Variants in GNAQ observed in about 807,000 individuals in gnomAD.
The protein encoded by GNAQ is G protein subunit alpha q, also known as guanine nucleotide-binding protein G(q) subunit alpha.
A neutral mutation model predicts 43.9 loss-of-function variants in GNAQ; 8 were observed. The ratio of observed to expected loss-of-function variants is 0.18; its 90% CI spans 0.11 to 0.33. The LOEUF (loss-of-function observed/expected upper bound fraction) is 0.33, where lower values mean the gene tolerates loss of function less well. GNAQ is among the 10% of genes least tolerant of loss of function. GNAQ has a pLI of 1.00. For missense variants in GNAQ, 158 were observed against 450.8 expected (o/e 0.35, Z 5.88); for synonymous variants, 155 against 170.7 (o/e 0.91, Z 0.71).
At chr9:77,747,874 A>G (rs1825753924) in intron 5 of GNAQ, among the ~76,000 whole-genome samples, 1 of 152,202 alleles carries the variant, frequency 6.6e-6, no homozygotes, top group Admixed American at 6.5e-5. Flanking sequence ...AGTTCATGCA[A>G]CCTTGTGAGA....
At position 77,803,683 on chromosome 9, in the gene GNAQ, A is replaced by C. The variant is rs1481616120; in HGVS notation, c.477-6035T>G. 2.0e-5 allele frequency among the ~76,000 whole-genome samples: 3 copies of C among 152,244 alleles called. No homozygotes were observed. In the East Asian group the frequency reaches 5.8e-4, roughly 29 times the overall value. ...AAGGAGTTTATCAATTTGTGGGGAA[A>C]TAAGGGTTACATAAAAACAAGAATG... On this transcript the variant is annotated intron_variant, in intron 3 of 6. Coordinates refer to ENST00000286548, the MANE Select transcript of GNAQ (RefSeq NM_002072.5).
chr9:77,778,262 A>T (rs1019106473), intron 5 of GNAQ, among the ~76,000 whole-genome samples: 1 of 151,672 alleles, frequency 6.6e-6, no homozygotes. Flanking sequence ...TATATAAGGG[A>T]AATGAATGAC....
At position 77,959,097 on chromosome 9, in the gene GNAQ, G is replaced by A. The variant is rs182806097; in HGVS notation, c.137-36752C>T. 1.5e-4 allele frequency among the ~76,000 whole-genome samples: 23 copies of A among 152,230 alleles called. No individual in the cohort carries two copies. In the East Asian group the frequency reaches 3.9e-3, roughly 26 times the overall value. On this transcript the variant is annotated intron_variant, in intron 1 of 6. Transcript: ENST00000286548. Reference sequence around the variant, plus strand: ...ATATAAACATCTCCATTAGAATCACGCAAGGAGAGGGCCCCAGAGTTCAAT... The same window carrying A: ...ATATAAACATCTCCATTAGAATCACACAAGGAGAGGGCCCCAGAGTTCAAT...
intron 1 of GNAQ, among the ~76,000 whole-genome samples, chr9:78,012,454 GC>G (rs1564178098): frequency 6.6e-6 from 1 of 151,874 alleles, no homozygotes; most frequent in African/African-American, 2.4e-5. Flanking sequence ...TAATCCACCC[GC>G]CTTGGCCTCC....
At chr9:77,870,854 A>G (rs1828028134) in intron 2 of GNAQ, among the ~76,000 whole-genome samples, 1 of 152,196 alleles carries the variant, frequency 6.6e-6, no homozygotes, top group Non-Finnish European at 1.5e-5. Context: ...GTTGAATATA[A>G]GAAGCCAAAC....
intron 5 of GNAQ, among the ~76,000 whole-genome samples, chr9:77,731,831 A>G (rs938815667): frequency 1.3e-5 from 2 of 152,214 alleles, no homozygotes; most frequent in African/African-American, 4.8e-5. Flanking sequence ...CATTTTCATG[A>G]TAAGAAGTGC....
intron 2 of GNAQ, among the ~76,000 whole-genome samples, chr9:77,881,297 AT>A (rs1223876303): frequency 6.6e-6 from 1 of 152,230 alleles, no homozygotes; most frequent in Non-Finnish European, 1.5e-5. Flanking sequence ...TCACTGACGT[AT>A]CCCAAGCACC....
intron 2 of GNAQ, among the ~76,000 whole-genome samples, chr9:77,890,257 C>G (rs996370506): frequency 1.3e-5 from 2 of 152,172 alleles, no homozygotes; most frequent in Non-Finnish European, 2.9e-5. Context: ...TTCCAGACCC[C>G]TAAAAAACTT....
chr9:77,725,950 A>T (rs904565882), intron 6 of GNAQ, among the ~76,000 whole-genome samples: 1 of 152,150 alleles, frequency 6.6e-6, no homozygotes, highest in African/African-American at 2.4e-5. Flanking sequence ...GGTGTTGTGT[A>T]TGGTGTGGCA....
rs186164260 is a variant in GNAQ, at chr9:77,852,265, C to T, written c.322-36495G>A. On this transcript the variant is annotated intron_variant, in intron 2 of 6. Transcript: ENST00000286548. The stretch of plus-strand genomic sequence containing the variant: ...CAGAGAATAAAACTCTCCATTCTGC[C>T]TCATCCTCATTTTAATAAATTCTCA... Among the ~76,000 whole-genome samples, 359 of 152,316 alleles carry T rather than the reference C, an allele frequency of 2.4e-3. 7 individuals are homozygous for T. Among genetic ancestry groups the T allele is most frequent in the Admixed American group, 0.022 (330 of 15,306 alleles).
chr9:77,998,296 G>C (rs1028802687), intron 1 of GNAQ, among the ~76,000 whole-genome samples: 2 of 152,212 alleles, frequency 1.3e-5, no homozygotes, highest in Admixed American at 1.3e-4. Context: ...TTTGTCTGCA[G>C]CATTTTTAAA....
At chr9:77,888,928 T>C (rs1323297163) in intron 2 of GNAQ, among the ~76,000 whole-genome samples, 1 of 152,112 alleles carries the variant, frequency 6.6e-6, no homozygotes, top group Admixed American at 6.6e-5. Context: ...ACATTTAGAA[T>C]CAAATTAGAA....
At chr9:77,958,681 C>G (rs1341962483) in intron 1 of GNAQ, among the ~76,000 whole-genome samples, 1 of 152,162 alleles carries the variant, frequency 6.6e-6, no homozygotes, top group Non-Finnish European at 1.5e-5. Context: ...CCTCTATGGT[C>G]AGCCACAATT....
chr9:77,776,389 C>A (rs187189623), intron 5 of GNAQ, among the ~76,000 whole-genome samples: 1 of 152,132 alleles, frequency 6.6e-6, no homozygotes, highest in Admixed American at 6.6e-5. Context: ...CAGAAGATGA[C>A]GTACCATGCA....
intron 6 of GNAQ, among the ~76,000 whole-genome samples, chr9:77,725,789 C>G (rs1825388644): frequency 6.6e-6 from 1 of 152,076 alleles, no homozygotes; most frequent in African/African-American, 2.4e-5. Flanking sequence ...GCGGAAAAAT[C>G]AGCAACTGTG....
At chr9:77,782,088 G>GA (rs979653332) in intron 5 of GNAQ, among the ~76,000 whole-genome samples, 9 of 151,800 alleles carry the variant, frequency 5.9e-5, no homozygotes, top group Non-Finnish European at 1.2e-4. Flanking sequence ...GTTCTCATCT[G>GA]AAAAAAACTA....
At chr9:77,873,935 G>A (rs562925458) in intron 2 of GNAQ, among the ~76,000 whole-genome samples, 6 of 151,952 alleles carry the variant, frequency 3.9e-5, no homozygotes, top group African/African-American at 1.4e-4. Flanking sequence ...GAGAAATCCT[G>A]TCTCTACTAG....
chr9:77,863,437 C>T (rs1052060397), intron 2 of GNAQ, among the ~76,000 whole-genome samples: 1 of 152,112 alleles, frequency 6.6e-6, no homozygotes, highest in Non-Finnish European at 1.5e-5. Context: ...ATTTCACTGT[C>T]CATATAATTA....
rs2118631980 is a variant in GNAQ, at chr9:78,031,082, G to A, written c.136+18C>T. 2.0e-6 allele frequency: 3 copies of A among 1,474,340 alleles called. No individual in the cohort carries two copies. The highest frequency in any genetic ancestry group is 1.4e-5 in the African/African-American group (1 of 69,254). The allele number at this position is 1,474,340 out of a possible 1,614,324, so 91.3% of individuals were successfully genotyped here. On this transcript the variant is annotated intron_variant, in intron 1 of 6. Transcript: ENST00000286548. ...GCTGGGGGCGCAGAGGCCCGGCGGG[G>A]CCCCGGACGGTACTCACCGAGCAGC...
Sources: gnomAD v4.1 joint callset for allele counts (sites outside exome capture counted in the v4.1 genomes callset) on GRCh38, gnomAD v4.1.1 for gene constraint, MANE v1.5 for transcripts, NCBI Gene and HGNC (gene_info 2026-07-23, HGNC 2026-07-21) for gene names.